The following EPB41L4B variants were observed in gnomAD, a reference collection of about 807,000 sequenced individuals.
The protein encoded by EPB41L4B is erythrocyte membrane protein band 4.1 like 4B.
In EPB41L4B, 30 loss-of-function variants were observed where a neutral mutation model predicts 112.5. The observed-to-expected ratio is 0.27, with a 90% CI of 0.20 to 0.36. The LOEUF (loss-of-function observed/expected upper bound fraction) is 0.36, where lower values mean the gene tolerates loss of function less well. Ranked by LOEUF, EPB41L4B falls within the 10% of genes least tolerant of loss-of-function variation. The pLI, the probability that EPB41L4B is intolerant of heterozygous loss-of-function variation, is 1.00. For missense variants in EPB41L4B, 1,024 were observed against 1,133.3 expected (o/e 0.90, Z 1.38); for synonymous variants, 408 against 439.7 (o/e 0.93, Z 0.90).
At position 109,213,675 on chromosome 9, in the gene EPB41L4B, A is replaced by G. The variant is rs751181901; in HGVS notation, c.1752+25T>C. On this transcript the variant is annotated intron_variant, in intron 17 of 25. Coordinates refer to ENST00000374566, the MANE Select transcript of EPB41L4B (RefSeq NM_019114.5). The stretch of plus-strand genomic sequence containing the variant: ...TGATGTCAGCACCAAGTCCATGGTC[A>G]TGGCAGAGCCCCGGCCCTTGGCACC... 2.5e-6 allele frequency: 4 copies of G among 1,594,822 alleles called. No homozygotes were observed. The South Asian group carries it at 4.4e-5, about 18-fold the overall frequency.
chr9:109,219,926 A>G (rs1833516384), intron 15 of EPB41L4B, among the ~76,000 whole-genome samples: 1 of 152,086 alleles, frequency 6.6e-6, no homozygotes, highest in Non-Finnish European at 1.5e-5. Flanking sequence ...GGACACAGAG[A>G]AGTAGTCCCT....
chr9:109,311,578 G>A (rs2119267414), intron 1 of EPB41L4B, among the ~76,000 whole-genome samples: 1 of 152,366 alleles, frequency 6.6e-6, no homozygotes, highest in Middle Eastern at 3.4e-3. Flanking sequence ...CACTCAGCCA[G>A]CTATGACTTT....
intron 6 of EPB41L4B, among the ~76,000 whole-genome samples, chr9:109,260,926 C>G (rs572825355): frequency 2.6e-5 from 4 of 152,146 alleles, no homozygotes; most frequent in Non-Finnish European, 5.9e-5. Context: ...TCTTTCAGGA[C>G]AACGTACAAG....
chr9:109,196,378 T>A (rs1310272716), intron 20 of EPB41L4B: 1 of 152,048 alleles, frequency 6.6e-6, no homozygotes, highest in Non-Finnish European at 1.5e-5. Context: ...TGGAAAAAAA[T>A]AAAATAGCTC....
At chr9:109,274,434 C>G (rs535069955) in intron 2 of EPB41L4B, among the ~76,000 whole-genome samples, 2 of 152,220 alleles carry the variant, frequency 1.3e-5, no homozygotes, top group African/African-American at 4.8e-5. Flanking sequence ...AATACGTAGA[C>G]AGTCTCTCCT....
At chr9:109,183,206 G>C (rs1832131153) in intron 23 of EPB41L4B, among the ~76,000 whole-genome samples, 1 of 152,230 alleles carries the variant, frequency 6.6e-6, no homozygotes, top group Non-Finnish European at 1.5e-5. Context: ...GAATGGCCTA[G>C]AGGCTGCTGA....
rs1462826156 is a variant in EPB41L4B at position 109,320,976 on chromosome 9, C to A, written c.-530G>T. On this transcript the variant is annotated 5_prime_UTR_variant, in exon 1 of 26. Coordinates refer to ENST00000374566, the MANE Select transcript of EPB41L4B (RefSeq NM_019114.5). Reference sequence around the variant, plus strand: ...AAGGCGCCTTTTCCTGCGCCCGCAGCCCCCGCCTCCCACCTGGGAGGCTGC... The same window carrying A: ...AAGGCGCCTTTTCCTGCGCCCGCAGACCCCGCCTCCCACCTGGGAGGCTGC... The A allele has an allele frequency of 1.8e-5, 3 of 170,074 alleles. No homozygotes were observed. The East Asian group carries it at 5.3e-4, about 30-fold the overall frequency. 10.5% of individuals were successfully genotyped at this position (170,074 alleles called of 1,614,324 possible). A position where few individuals can be genotyped will look rare whatever the true frequency, so the allele number is the denominator to read the frequency against.
chr9:109,286,486 T>G (rs996890670), intron 1 of EPB41L4B, among the ~76,000 whole-genome samples: 3 of 152,236 alleles, frequency 2.0e-5, no homozygotes, highest in African/African-American at 7.2e-5. Flanking sequence ...GTTGCCATTA[T>G]GCGACGCGTT....
Position 109,192,792 on chromosome 9 carries a change from T to C in EPB41L4B, c.2224-437A>G, listed in dbSNP as rs150412462. On this transcript the variant is annotated intron_variant, in intron 21 of 25. Transcript: ENST00000374566. The stretch of plus-strand genomic sequence containing the variant: ...GGCAGGTGATGGCATGTGGATTATG[T>C]TGCTTGCTTTTGGAAAATGTTTTGC... Among the ~76,000 whole-genome samples, 990 of 152,290 alleles carry C rather than the reference T, an allele frequency of 6.5e-3. 9 individuals are homozygous for C. The highest frequency in any genetic ancestry group is 0.011 in the Non-Finnish European group (771 of 68,004).
rs1204212867 is a variant in EPB41L4B at position 109,309,071 on chromosome 9, T to C, written c.306+11070A>G. ...GCCTAGGTGACGAAGCGAGATTCCG[T>C]CTTTTAAAAAAAAAAAATTACATGT... On this transcript the variant is annotated intron_variant, in intron 1 of 25. Transcript: ENST00000374566. 2.0e-5 allele frequency among the ~76,000 whole-genome samples: 3 copies of C among 151,966 alleles called. No homozygotes were observed. The East Asian group carries it at 5.8e-4, about 29-fold the overall frequency.
chr9:109,291,772 C>G (rs909988689), intron 1 of EPB41L4B, among the ~76,000 whole-genome samples: 2 of 152,190 alleles, frequency 1.3e-5, no homozygotes, highest in East Asian at 3.9e-4. Flanking sequence ...GCCCTCCTCA[C>G]TCCATGGGCA....
chr9:109,202,351 A>G (rs915570699), intron 19 of EPB41L4B, among the ~76,000 whole-genome samples: 3 of 152,210 alleles, frequency 2.0e-5, no homozygotes, highest in Non-Finnish European at 1.5e-5. Flanking sequence ...GGCATCGAGT[A>G]TAATAGTTCC....
At chr9:109,290,976 C>T (rs1049669380) in intron 1 of EPB41L4B, among the ~76,000 whole-genome samples, 2 of 152,112 alleles carry the variant, frequency 1.3e-5, no homozygotes, top group Admixed American at 6.6e-5. Flanking sequence ...AACTAGAACA[C>T]GATGATGCAA....
At chr9:109,256,626 C>T in intron 7 of EPB41L4B, 146 bp from the exon 8 acceptor site, 2 of 671,558 alleles carry the variant, frequency 3.0e-6, no homozygotes, top group Non-Finnish European at 5.1e-6. Flanking sequence ...ATTCCCAAGA[C>T]CTTACTGTTA....
chr9:109,306,627 C>T (rs1455687708), intron 1 of EPB41L4B, among the ~76,000 whole-genome samples: 1 of 149,222 alleles, frequency 6.7e-6, no homozygotes, highest in African/African-American at 2.4e-5. Flanking sequence ...AACAAACAAA[C>T]AAACAAACAA....
rs111541246 is a variant in EPB41L4B, at chr9:109,197,203, A to C, written c.2046-2806T>G. On this transcript the variant is annotated intron_variant, in intron 20 of 25. Transcript: ENST00000374566. ...TTTGGGAGGCTGAAGCGGGCGGATC[A>C]CCTGAGGTCAGGAGTTCGAGACCAA... 2.2e-3 allele frequency among the ~76,000 whole-genome samples: 338 copies of C among 152,236 alleles called. 2 individuals are homozygous for C. Among genetic ancestry groups the C allele is most frequent in the African/African-American group, 7.8e-3 (323 of 41,544 alleles).
chr9:109,211,594 CAAA>C (rs201609219), intron 17 of EPB41L4B, among the ~76,000 whole-genome samples: 2 of 94,344 alleles, frequency 2.1e-5, no homozygotes, highest in Admixed American at 1.0e-4. Context: ...GACGCCATCT[CAAA>C]AAAAAAAAAA....
At chr9:109,319,574 G>T (rs1022227094) in intron 1 of EPB41L4B, among the ~76,000 whole-genome samples, 1 of 152,224 alleles carries the variant, frequency 6.6e-6, no homozygotes, top group Non-Finnish European at 1.5e-5. Flanking sequence ...TATCCAGAAG[G>T]GATCAGCAGA....
chr9:109,236,442 T>G (rs1455072484), intron 15 of EPB41L4B, among the ~76,000 whole-genome samples: 1 of 151,236 alleles, frequency 6.6e-6, no homozygotes, highest in Non-Finnish European at 1.5e-5. Context: ...AGAGTTGACC[T>G]CTACTGAGAG....
Sources: gnomAD v4.1 joint callset for allele counts (sites outside exome capture counted in the v4.1 genomes callset) on GRCh38, gnomAD v4.1.1 for gene constraint, MANE v1.5 for transcripts, NCBI Gene and HGNC (gene_info 2026-07-23, HGNC 2026-07-21) for gene names.